The following TMCO6 variants were observed in gnomAD, a reference collection of about 807,000 sequenced individuals.
TMCO6 encodes transmembrane and coiled-coil domain-containing protein 6.
Under a neutral mutation model 61.8 loss-of-function variants are expected in TMCO6, and 47 were observed. The observed-to-expected ratio is 0.76, with a 90% CI of 0.60 to 0.97. The LOEUF is 0.97. Ranked by LOEUF, TMCO6 falls within the 50% of genes least tolerant of loss-of-function variation. The pLI is 0.00. For synonymous variants in TMCO6, 261 were observed against 254.2 expected (o/e 1.03, Z -0.25); for missense variants, 557 against 601.6 (o/e 0.93, Z 0.78).
At chr5:140,607,791 C>CTTTTTTT in the TMCO6 span, among the ~76,000 whole-genome samples, 2 of 138,046 alleles carry the variant, frequency 1.4e-5, no homozygotes, top group African/African-American at 2.7e-5. Flanking sequence ...TTTCTATTTT[C>CTTTTTTT]TTTTTTTTTT....
the TMCO6 span, among the ~76,000 whole-genome samples, chr5:140,629,006 T>C: frequency 2.2e-4 from 34 of 152,304 alleles, 2 homozygotes; most frequent in South Asian, 7.0e-3. Context: ...CAGTGGCTTA[T>C]GCCTGTAATC....
At chr5:140,631,546 C>A in the TMCO6 span, among the ~76,000 whole-genome samples, 1 of 152,174 alleles carries the variant, frequency 6.6e-6, no homozygotes, top group Admixed American at 6.5e-5. Flanking sequence ...TTCTCCCATG[C>A]AGCCCTAGCC....
At position 140,644,584 on chromosome 5, in the gene TMCO6, T is replaced by TC; in HGVS notation, c.1213dup (p.Leu405ProfsTer32). Reference sequence around the variant, plus strand: ...GTGTCTATCTGCAGGTGCTCACAGTTCTGTGCAATGTTGCAGAAAAGGGTC... The same window carrying TC: ...GTGTCTATCTGCAGGTGCTCACAGTTCCTGTGCAATGTTGCAGAAAAGGGTC... On this transcript the variant is annotated frameshift_variant, in exon 11 of 12. Coordinates refer to ENST00000394671, the MANE Select transcript of TMCO6 (RefSeq NM_018502.5). LOFTEE classifies it high-confidence loss of function. The TC allele has an allele frequency of 2.5e-6, 4 of 1,614,218 alleles. No individual in the cohort carries two copies. The highest frequency in any genetic ancestry group is 3.4e-6 in the Non-Finnish European group (4 of 1,180,032).
At chr5:140,645,480 A>G, downstream of TMCO6, 2 of 1,435,452 alleles carry the variant, frequency 1.4e-6, no homozygotes, top group Non-Finnish European at 1.9e-6. Flanking sequence ...AAAGTATTTT[A>G]CAGCACAAGC....
At chr5:140,607,034 ACTACTGTT>A in the TMCO6 span, among the ~76,000 whole-genome samples, 1 of 151,922 alleles carries the variant, frequency 6.6e-6, no homozygotes, top group African/African-American at 2.4e-5. Flanking sequence ...AACCTTATAG[ACTACTGTT>A]TAAAATAAAA....
chr5:140,610,244 C>T, the TMCO6 span, among the ~76,000 whole-genome samples: 2 of 149,356 alleles, frequency 1.3e-5, no homozygotes, highest in Non-Finnish European at 3.0e-5. Context: ...GTAGTCCCAG[C>T]TACTCAGGAG....
the TMCO6 span, among the ~76,000 whole-genome samples, chr5:140,603,144 T>C: frequency 6.6e-6 from 1 of 152,108 alleles, no homozygotes; most frequent in African/African-American, 2.4e-5. Flanking sequence ...GCCATACCCA[T>C]TAAGTAATCA....
chr5:140,608,129 T>C, the TMCO6 span, among the ~76,000 whole-genome samples: 1 of 152,206 alleles, frequency 6.6e-6, no homozygotes, highest in Non-Finnish European at 1.5e-5. Flanking sequence ...TAATGGCCAA[T>C]GATTTTGAGC....
Position 140,642,909 on chromosome 5 carries a change from C to T in TMCO6, c.690-16C>T. On this transcript the variant is annotated splice_polypyrimidine_tract_variant and intron_variant, in intron 6 of 11. Coordinates refer to ENST00000394671, the MANE Select transcript of TMCO6 (RefSeq NM_018502.5). Reference sequence around the variant, plus strand: ...ATCTTCGTGGTTCCTACTTACAGCCCTGCTTCTGCCAGCAGCTCCATCTTG... The same window carrying T: ...ATCTTCGTGGTTCCTACTTACAGCCTTGCTTCTGCCAGCAGCTCCATCTTG... 1 of 1,614,144 alleles carries T rather than the reference C, an allele frequency of 6.2e-7. No homozygotes were observed. The highest frequency in any genetic ancestry group is 1.7e-5 in the Admixed American group (1 of 60,024).
the TMCO6 span, among the ~76,000 whole-genome samples, chr5:140,598,209 T>G: frequency 1.3e-5 from 2 of 151,414 alleles, no homozygotes; most frequent in African/African-American, 4.9e-5. Context: ...TTATTTTATT[T>G]GGTTTTTTTT....
chr5:140,622,903 A>G, the TMCO6 span, among the ~76,000 whole-genome samples: 2 of 152,106 alleles, frequency 1.3e-5, no homozygotes, highest in Admixed American at 1.3e-4. Flanking sequence ...TTTTTAATAG[A>G]GACTGGGTCT....
the TMCO6 span, among the ~76,000 whole-genome samples, chr5:140,616,365 G>A: frequency 6.6e-6 from 1 of 152,158 alleles, no homozygotes; most frequent in Admixed American, 6.6e-5. Flanking sequence ...TTCAAGACCA[G>A]CCTGGGCAAC....
At chr5:140,625,009 G>A in the TMCO6 span, among the ~76,000 whole-genome samples, 6 of 151,634 alleles carry the variant, frequency 4.0e-5, no homozygotes, top group Non-Finnish European at 8.8e-5. Flanking sequence ...GCTTGGCACC[G>A]CGCCTGGCTA....
intron 5 of TMCO6, 31 bp from the exon 6 acceptor site, chr5:140,642,555 C>G: frequency 6.2e-7 from 1 of 1,613,186 alleles, no homozygotes; most frequent in Non-Finnish European, 8.5e-7. Context: ...GACCCAGCTT[C>G]CAGTCAGATC....
chr5:140,601,007 G>A, the TMCO6 span, among the ~76,000 whole-genome samples: 1 of 152,084 alleles, frequency 6.6e-6, no homozygotes, highest in East Asian at 1.9e-4. Context: ...TACTAGGTAG[G>A]GAAAGTGTGC....
At chr5:140,599,916 T>TATAAAATAAA in the TMCO6 span, among the ~76,000 whole-genome samples, 21 of 144,326 alleles carry the variant, frequency 1.5e-4, no homozygotes, top group East Asian at 7.9e-4. Flanking sequence ...TCAAATAAAA[T>TATAAAATAAA]ATAAAATAAA....
chr5:140,640,337 G>A (rs1167760479), intron 2 of TMCO6, among the ~76,000 whole-genome samples: 1 of 151,896 alleles, frequency 6.6e-6, no homozygotes, highest in East Asian at 1.9e-4. Flanking sequence ...TGTGTCTCAA[G>A]CCCTTGGCAT....
chr5:140,636,152 C>T (rs187723100), upstream of TMCO6, among the ~76,000 whole-genome samples: 16 of 152,260 alleles, frequency 1.1e-4, no homozygotes, highest in Non-Finnish European at 1.8e-4. Flanking sequence ...GCACGTGCCA[C>T]CACACCTGGT....
chr5:140,613,559 A>G, the TMCO6 span, among the ~76,000 whole-genome samples: 2 of 152,048 alleles, frequency 1.3e-5, no homozygotes, highest in Admixed American at 6.6e-5. Flanking sequence ...TTCGGTTTTT[A>G]CACTAAAACT....
Sources: gnomAD v4.1 joint callset for allele counts (sites outside exome capture counted in the v4.1 genomes callset) on GRCh38, gnomAD v4.1.1 for gene constraint, MANE v1.5 for transcripts, NCBI Gene and HGNC (gene_info 2026-07-23, HGNC 2026-07-21) for gene names.